EIF3A: variants seen among roughly 807,000 people sequenced by gnomAD.
EIF3A encodes EIF3, p180 subunit.
In EIF3A, 21 loss-of-function variants were observed where a neutral mutation model predicts 186.6. The observed-to-expected ratio is 0.11, with a 90% confidence interval of 0.08 to 0.16. The LOEUF (loss-of-function observed/expected upper bound fraction) is 0.16, where lower values mean the gene tolerates loss of function less well. EIF3A is among the 10% of genes least tolerant of loss of function. The pLI, the probability that EIF3A is intolerant of heterozygous loss-of-function variation, is 1.00. For missense variants in EIF3A, 1,306 were observed against 1,796.3 expected (o/e 0.73, Z 4.93); for synonymous variants, 563 against 584.3 (o/e 0.96, Z 0.52).
At chr10:119,047,129 G>A (rs748024565) in intron 17 of EIF3A, among the ~76,000 whole-genome samples, 27 of 151,724 alleles carry the variant, frequency 1.8e-4, no homozygotes, top group Non-Finnish European at 3.2e-4. Context: ...TTAGCCAGGC[G>A]TGGTGGCACA....
chr10:119,069,753 T>C (rs1288749108), intron 5 of EIF3A, 99 bp from the exon 6 acceptor site: 8 of 681,046 alleles, frequency 1.2e-5, no homozygotes, highest in East Asian at 1.0e-4. Context: ...AACATAAAAA[T>C]AGCAAATAAA....
In EIF3A at chr10:119,074,575, C is replaced by G. The variant is rs1000294440; in HGVS notation, c.50-638G>C. On this transcript the variant is annotated intron_variant, in intron 1 of 21. Transcript: ENST00000369144. ...TGTGGTGTCAATGAAACTATGCACT[C>G]TCTTTGCAACACTCTGGAAATCTCA... 1.8e-4 allele frequency among the ~76,000 whole-genome samples: 28 copies of G among 151,944 alleles called. 1 individual carries two copies. Among genetic ancestry groups the G allele is most frequent in the Middle Eastern group, 3.4e-3 (1 of 292 alleles).
chr10:119,060,649 A>G, intron 9 of EIF3A, 97 bp downstream of exon 9: 1 of 753,718 alleles, frequency 1.3e-6, no homozygotes, highest in South Asian at 2.1e-5. Flanking sequence ...GAACTTGGGG[A>G]GGTTCTCACT....
chr10:119,073,599 T>G, intron 2 of EIF3A, 22 bp from the exon 3 acceptor site: 1 of 1,604,340 alleles, frequency 6.2e-7, no homozygotes, highest in Non-Finnish European at 8.5e-7. Context: ...AAACAAAAAC[T>G]CTTCAGAACT....
intron 19 of EIF3A, among the ~76,000 whole-genome samples, chr10:119,040,963 G>A (rs1042418581): frequency 1.6e-4 from 22 of 133,720 alleles, no homozygotes; most frequent in African/African-American, 5.6e-4. Context: ...GGGAGATCGC[G>A]CCACTGCACT....
intron 6 of EIF3A, among the ~76,000 whole-genome samples, chr10:119,067,500 A>G (rs187639616): frequency 1.2e-4 from 18 of 152,308 alleles, no homozygotes; most frequent in Admixed American, 1.1e-3. Flanking sequence ...CTGAGGTGGA[A>G]GAATAGTCTG....
rs375631621 is a variant in EIF3A at position 119,069,490 on chromosome 10, G to C, written c.906C>G (p.Leu302=). 1 of 1,579,206 alleles carries C rather than the reference G, an allele frequency of 6.3e-7. No individual in the cohort carries two copies. The highest frequency in any genetic ancestry group is 1.7e-5 in the Admixed American group (1 of 59,978). Residue 302 remains leucine, a synonymous_variant, in exon 6 of 22, where the codon CTC becomes CTG. Coordinates refer to ENST00000369144, the MANE Select transcript of EIF3A (RefSeq NM_003750.4). The part of the protein sequence containing the change: ...HASTLHRLYH[L]SREMRKNLTQ... Reference sequence around the variant, plus strand: ...TGAGATTCTTTCTCATTTCTCTAGAGAGATGGTAAAGACGATGGAGTGTAG... The same window carrying C: ...TGAGATTCTTTCTCATTTCTCTAGACAGATGGTAAAGACGATGGAGTGTAG...
At position 119,060,845 on chromosome 10, in the gene EIF3A, C is replaced by A; in HGVS notation, c.1228-1G>T. 1 of 1,587,830 alleles carries A rather than the reference C, an allele frequency of 6.3e-7. No homozygotes were observed. The highest frequency in any genetic ancestry group is 1.1e-5 in the South Asian group (1 of 87,268). ...GTTGTTCCCTAACCCAATTTAGAAC[C>A]TATAAAATCCATTAAATTGAAAGAG... On this transcript the variant is annotated splice_acceptor_variant, in intron 8 of 21. Coordinates refer to ENST00000369144, the MANE Select transcript of EIF3A (RefSeq NM_003750.4). LOFTEE classifies it high-confidence loss of function.
chr10:119,072,811 C>T, intron 4 of EIF3A, 79 bp downstream of exon 4: 1 of 1,490,870 alleles, frequency 6.7e-7, no homozygotes, highest in Non-Finnish European at 9.0e-7. Flanking sequence ...AAAACTAGTT[C>T]ATTTTAAGTA....
intron 11 of EIF3A, among the ~76,000 whole-genome samples, chr10:119,058,599 T>C (rs1843830053): frequency 6.6e-6 from 1 of 152,232 alleles, no homozygotes; most frequent in Non-Finnish European, 1.5e-5. Flanking sequence ...AAGAAATAAC[T>C]TGTTACAGGC....
At chr10:119,060,714 T>C (rs1449180226) in intron 9 of EIF3A, 32 bp downstream of exon 9, 2 of 1,548,774 alleles carry the variant, frequency 1.3e-6, no homozygotes, top group Non-Finnish European at 1.8e-6. Flanking sequence ...GCACATAACA[T>C]CACAAAACTT....
intron 1 of EIF3A, among the ~76,000 whole-genome samples, chr10:119,075,172 G>C (rs184005272): frequency 6.6e-6 from 1 of 151,496 alleles, no homozygotes. Context: ...ATCTTGGCCA[G>C]GCTGGTCTCG....
rs771120379 is a variant in EIF3A at position 119,037,134 on chromosome 10, A to G, written c.3904T>C (p.Ser1302Pro). 1.4e-6 allele frequency: 2 copies of G among 1,414,816 alleles called. No individual in the cohort carries two copies. Among genetic ancestry groups the G allele is most frequent in the Non-Finnish European group, 1.9e-6 (2 of 1,057,640 alleles). The allele number at this position is 1,414,816 out of a possible 1,614,324, so 87.6% of individuals were successfully genotyped here. The change falls in exon 21 of 22, where the codon TCA (serine) becomes CCA (proline). Residue 1302 changes from serine (S) to proline (P), a missense_variant. By Grantham distance (74) the Ser-to-Pro change is moderately conservative. Around this residue, in one of 8 missense-constraint regions of EIF3A, gnomAD observed 331 missense variants for 365.8 expected, o/e 0.90. Coordinates refer to ENST00000369144, the MANE Select transcript of EIF3A (RefSeq NM_003750.4). The part of the protein sequence containing the change: ...DRDRRGPPLR[S>P]EREEVSSWRR... Reference sequence around the variant, plus strand: ...ACCTCTATACCTTCTTCACGTTCTGATCTGAGTGGAGGTCCTCTTCGGTCC... The same window carrying G: ...ACCTCTATACCTTCTTCACGTTCTGGTCTGAGTGGAGGTCCTCTTCGGTCC...
chr10:119,065,997 T>C (rs1402054974), intron 6 of EIF3A, among the ~76,000 whole-genome samples: 1 of 151,780 alleles, frequency 6.6e-6, no homozygotes, highest in Non-Finnish European at 1.5e-5. Flanking sequence ...GCGCCTGTAG[T>C]CCCAGCTACT....
intron 1 of EIF3A, among the ~76,000 whole-genome samples, chr10:119,077,294 T>A (rs934516697): frequency 2.6e-5 from 4 of 151,528 alleles, no homozygotes; most frequent in African/African-American, 7.3e-5. Flanking sequence ...GTGAAAAAAA[T>A]TAAAAAATTA....
At chr10:119,076,112 C>T (rs1844167783) in intron 1 of EIF3A, among the ~76,000 whole-genome samples, 1 of 150,394 alleles carries the variant, frequency 6.6e-6, no homozygotes, top group African/African-American at 2.4e-5. Context: ...GCGGGTGGAT[C>T]ACGAGGTCAG....
At chr10:119,055,313 A>C (rs1239126167) in intron 14 of EIF3A, among the ~76,000 whole-genome samples, 1 of 152,204 alleles carries the variant, frequency 6.6e-6, no homozygotes, top group Non-Finnish European at 1.5e-5. Flanking sequence ...CAGTCAGAAG[A>C]GACTTAATTT....
intron 4 of EIF3A, among the ~76,000 whole-genome samples, chr10:119,072,201 AT>A: frequency 6.8e-6 from 1 of 146,714 alleles, no homozygotes; most frequent in African/African-American, 2.5e-5. Context: ...AAAACTAAAA[AT>A]AAATTAAAAA....
chr10:119,060,886 A>G (rs771737997), intron 8 of EIF3A, 42 bp from the exon 9 acceptor site: 3 of 1,334,698 alleles, frequency 2.2e-6, no homozygotes, highest in East Asian at 2.3e-5. Flanking sequence ...CACTTTCTAC[A>G]TAAGAGATAC....
Sources: gnomAD v4.1 joint callset for allele counts (sites outside exome capture counted in the v4.1 genomes callset) on GRCh38, gnomAD v4.1.1 for gene constraint, gnomAD v4.1.1 regional missense constraint, MANE v1.5 for transcripts, NCBI Gene and HGNC (gene_info 2026-07-23, HGNC 2026-07-21) for gene names.